The following SPTLC1 variants were observed in gnomAD, a reference collection of about 807,000 sequenced individuals.
SPTLC1 encodes serine palmitoyltransferase 1.
SPTLC1 carries 55 observed loss-of-function variants against 68.9 expected under a neutral mutation model. The ratio of observed to expected loss-of-function variants is 0.80; its 90% confidence interval spans 0.64 to 1.00. SPTLC1 has a LOEUF of 1.00. Among genes scored for constraint, SPTLC1 ranks in the 50% least tolerant of loss-of-function variants. SPTLC1 has a pLI of 0.00. For missense variants in SPTLC1, 449 were observed against 573.1 expected (o/e 0.78, Z 2.21); for synonymous variants, 197 against 201.6 (o/e 0.98, Z 0.19).
chr9:92,042,947 T>G (rs1833401463), intron 12 of SPTLC1, among the ~76,000 whole-genome samples: 1 of 152,218 alleles, frequency 6.6e-6, no homozygotes, highest in Admixed American at 6.5e-5. Flanking sequence ...TATTCAGAAA[T>G]TGATCTCAGT....
At chr9:92,086,546 T>C (rs1288176036) in intron 3 of SPTLC1, among the ~76,000 whole-genome samples, 1 of 152,216 alleles carries the variant, frequency 6.6e-6, no homozygotes, top group Non-Finnish European at 1.5e-5. Context: ...AAAATTCTTT[T>C]CTTTAAGAAT....
At chr9:92,067,101 C>T (rs1834315750) in intron 6 of SPTLC1, among the ~76,000 whole-genome samples, 1 of 152,136 alleles carries the variant, frequency 6.6e-6, no homozygotes. Context: ...AGTTTGAGAC[C>T]AGCCTGGCCA....
At chr9:92,109,010 A>T (rs962993418) in intron 2 of SPTLC1, 176 bp from the exon 3 acceptor site, 2 of 942,158 alleles carry the variant, frequency 2.1e-6, no homozygotes, top group Middle Eastern at 3.7e-4. Context: ...CGCATAATAC[A>T]TAATGACCCA....
intron 7 of SPTLC1, among the ~76,000 whole-genome samples, chr9:92,057,637 ACCATTATGGGAAC>A (rs1554708185): frequency 2.6e-5 from 4 of 152,228 alleles, no homozygotes; most frequent in Non-Finnish European, 5.9e-5. Context: ...ATATCCACTG[ACCATTATGGGAAC>A]CCTGTAGGAA....
In SPTLC1 at chr9:92,115,271, G is replaced by A. The variant is rs780580813; in HGVS notation, c.57+43C>T. The A allele has an allele frequency of 1.5e-5, 24 of 1,604,620 alleles. No homozygotes were observed. In the East Asian group the frequency reaches 5.4e-4, roughly 36 times the overall value. ...CCACACGCGTCCTCCCACCCTCCCC[G>A]GGCCCGGGTGTGGTCGCGGACCGCT... On this transcript the variant is annotated intron_variant, in intron 1 of 14. Coordinates refer to ENST00000262554, the MANE Select transcript of SPTLC1 (RefSeq NM_006415.4).
intron 3 of SPTLC1, among the ~76,000 whole-genome samples, chr9:92,099,924 A>G (rs1835683990): frequency 6.6e-6 from 1 of 152,170 alleles, no homozygotes; most frequent in Non-Finnish European, 1.5e-5. Flanking sequence ...CTAGGTGCGT[A>G]CCAGGTTATA....
chr9:92,031,163 A>C lies in SPTLC1; in HGVS notation c.*1302T>G, dbSNP rs7035964. 0.11 allele frequency: 16,316 copies of C among 152,638 alleles called. 1,879 individuals are homozygous for C. Among genetic ancestry groups the C allele is most frequent in the African/African-American group, 0.3 (12,252 of 41,482 alleles). The allele number at this position is 152,638 out of a possible 1,614,324, so 9.5% of individuals were successfully genotyped here. On this transcript the variant is annotated 3_prime_UTR_variant, in exon 15 of 15. Coordinates refer to ENST00000262554, the MANE Select transcript of SPTLC1 (RefSeq NM_006415.4). ...GACTAATAATCAGGAATATAGGTTT[A>C]TTTCATTAAAAAATAAAACAAAACA...
rs530246784 is a variant in SPTLC1 at position 92,045,084 on chromosome 9, G to A, written c.1136+915C>T. On this transcript the variant is annotated intron_variant, in intron 12 of 14. Coordinates refer to ENST00000262554, the MANE Select transcript of SPTLC1 (RefSeq NM_006415.4). ...TATCTCTCTACCATAAATCATGCAA[G>A]AACTGCTGTTACTATCACACAGACA... is the stretch of plus-strand genomic sequence containing the variant. Among the ~76,000 whole-genome samples, 7 of 152,270 alleles carry A rather than the reference G, an allele frequency of 4.6e-5. No homozygotes were observed. In the South Asian group the frequency reaches 1.4e-3, roughly 32 times the overall value.
chr9:92,061,767 A>T (rs183401670), intron 6 of SPTLC1, among the ~76,000 whole-genome samples: 30 of 152,356 alleles, frequency 2.0e-4, no homozygotes, highest in African/African-American at 7.0e-4. Context: ...CTACACTTGA[A>T]TTGGTACAAT....
At chr9:92,037,984 G>A (rs113118403) in intron 13 of SPTLC1, among the ~76,000 whole-genome samples, 38 of 152,300 alleles carry the variant, frequency 2.5e-4, no homozygotes, top group African/African-American at 7.2e-4. Flanking sequence ...ATATTTAAAT[G>A]CAAAGTGGTA....
At chr9:92,084,359 C>T (rs1050076527) in intron 3 of SPTLC1, among the ~76,000 whole-genome samples, 33 of 152,174 alleles carry the variant, frequency 2.2e-4, no homozygotes, top group South Asian at 8.3e-4. Context: ...GCCCATTCAG[C>T]ATGATATTGG....
Position 92,042,147 on chromosome 9 carries a change from G to A in SPTLC1, c.1137-3782C>T, listed in dbSNP as rs1403941504. Among the ~76,000 whole-genome samples the A allele has an allele frequency of 3.3e-5, 5 of 152,048 alleles. No individual in the cohort carries two copies. The East Asian group carries it at 7.7e-4, about 23-fold the overall frequency. ...CAAAACTAGGAATAATTCAATAAAAGCTACTCACCAAAAACCCATAGCATG... is the reference window on the plus strand; with the variant it reads ...CAAAACTAGGAATAATTCAATAAAAACTACTCACCAAAAACCCATAGCATG... On this transcript the variant is annotated intron_variant, in intron 12 of 14. Transcript: ENST00000262554.
intron 5 of SPTLC1, among the ~76,000 whole-genome samples, chr9:92,071,620 A>G (rs1449467344): frequency 6.6e-6 from 1 of 152,232 alleles, no homozygotes; most frequent in East Asian, 1.9e-4. Flanking sequence ...TGATCCCATG[A>G]CTGGTAAGAG....
intron 12 of SPTLC1, among the ~76,000 whole-genome samples, chr9:92,045,551 A>C (rs888884777): frequency 2.1e-5 from 3 of 143,774 alleles, no homozygotes; most frequent in East Asian, 1.9e-4. Context: ...AAAAAAAAAA[A>C]ACACTGATAA....
In SPTLC1 at chr9:92,036,976, A is replaced by G. The variant is rs531632610; in HGVS notation, c.1254+1272T>C. The stretch of plus-strand genomic sequence containing the variant: ...ATAAGTAGCTCCAGCCTGATCATTC[A>G]TAATCTGACATGTTTCCTTAGGAAG... On this transcript the variant is annotated intron_variant, in intron 13 of 14. Coordinates refer to ENST00000262554, the MANE Select transcript of SPTLC1 (RefSeq NM_006415.4). 6.6e-5 allele frequency among the ~76,000 whole-genome samples: 10 copies of G among 152,370 alleles called. No homozygotes were observed. In the South Asian group the frequency reaches 2.1e-3, roughly 32 times the overall value.
Position 92,081,675 on chromosome 9 carries a change from T to G in SPTLC1, c.261-712A>C, listed in dbSNP as rs116058329. On this transcript the variant is annotated intron_variant, in intron 3 of 14. Transcript: ENST00000262554. ...TGGGTTGCAAACTGTTAAAGGGCTG[T>G]GAGACCAAGTTAGTTGGTCACAATC... Among the ~76,000 whole-genome samples, 1,439 of 152,330 alleles carry G rather than the reference T, an allele frequency of 9.4e-3. 31 individuals carry two copies. The highest frequency in any genetic ancestry group is 0.03 in the African/African-American group (1,259 of 41,566).
chr9:92,044,268 A>G (rs1031496338), intron 12 of SPTLC1, among the ~76,000 whole-genome samples: 2 of 152,226 alleles, frequency 1.3e-5, no homozygotes, highest in African/African-American at 4.8e-5. Flanking sequence ...AGCCTTGAAG[A>G]GCAAGGTGTT....
intron 8 of SPTLC1, among the ~76,000 whole-genome samples, chr9:92,054,545 G>C (rs561384154): frequency 6.6e-6 from 1 of 152,260 alleles, no homozygotes; most frequent in East Asian, 1.9e-4. Context: ...ATATACATCT[G>C]TCAAAACTTA....
chr9:92,056,068 T>C (rs1353099182), intron 7 of SPTLC1, among the ~76,000 whole-genome samples: 7 of 152,168 alleles, frequency 4.6e-5, no homozygotes. Context: ...TATGTTGGCA[T>C]TTTTCCATAA....
Sources: allele counts gnomAD v4.1 joint callset (sites outside exome capture counted in the v4.1 genomes callset), GRCh38; gene constraint gnomAD v4.1.1; transcripts MANE v1.5; gene names NCBI Gene and HGNC (gene_info 2026-07-23, HGNC 2026-07-21).